The following ARHGAP24 variants were observed in gnomAD, a reference collection of about 807,000 sequenced individuals.
ARHGAP24 encodes the protein Rho GTPase activating protein 24.
A neutral mutation model predicts 76.4 loss-of-function variants in ARHGAP24; 50 were observed. The ratio of observed to expected loss-of-function variants is 0.65; its 90% confidence interval spans 0.52 to 0.83. The LOEUF (loss-of-function observed/expected upper bound fraction) is 0.83, where lower values mean the gene tolerates loss of function less well. ARHGAP24 is among the 40% of genes least tolerant of loss of function. The pLI is 0.00. For synonymous variants in ARHGAP24, 345 were observed against 323.3 expected, an observed-to-expected ratio of 1.07 and a Z score of -0.72; for missense variants, 930 against 914.2, an observed-to-expected ratio of 1.02 and a Z score of -0.22.
rs552171353 is a variant in ARHGAP24 at position 85,666,659 on chromosome 4, A to G, written c.181-55226A>G. 1.2e-4 allele frequency among the ~76,000 whole-genome samples: 18 copies of G among 152,248 alleles called. No homozygotes were observed. The East Asian group carries it at 3.3e-3, about 28-fold the overall frequency. ...TTTTGGTCTTTGATGATGGTGATGTACAGATGGGTTTTTGGTGTGGATGTC... is the reference window on the plus strand; with the variant it reads ...TTTTGGTCTTTGATGATGGTGATGTGCAGATGGGTTTTTGGTGTGGATGTC... On this transcript the variant is annotated intron_variant, in intron 2 of 9. Coordinates refer to ENST00000395184, the MANE Select transcript of ARHGAP24 (RefSeq NM_001025616.3).
chr4:85,653,164 A>G (rs1481736711), intron 2 of ARHGAP24, among the ~76,000 whole-genome samples: 1 of 152,206 alleles, frequency 6.6e-6, no homozygotes. Context: ...GATAATATAC[A>G]ATGAAAAATA....
chr4:85,753,760 A>G (rs1726360097), intron 3 of ARHGAP24, among the ~76,000 whole-genome samples: 1 of 152,144 alleles, frequency 6.6e-6, no homozygotes, highest in Admixed American at 6.5e-5. Context: ...AATGTCTTTC[A>G]TTGAATTTTT....
At chr4:85,758,275 G>A (rs934324249) in intron 3 of ARHGAP24, among the ~76,000 whole-genome samples, 1 of 152,178 alleles carries the variant, frequency 6.6e-6, no homozygotes, top group Non-Finnish European at 1.5e-5. Flanking sequence ...ACAAGAGTGA[G>A]GGTCCTCAAA....
intron 1 of ARHGAP24, among the ~76,000 whole-genome samples, chr4:85,569,166 GC>G (rs1269314594): frequency 6.6e-6 from 1 of 152,166 alleles, no homozygotes; most frequent in African/African-American, 2.4e-5. Context: ...CAGAAAGACA[GC>G]TTGTCTTCCA....
At chr4:85,970,844 C>T (rs1560754685) in intron 5 of ARHGAP24, among the ~76,000 whole-genome samples, 1 of 152,120 alleles carries the variant, frequency 6.6e-6, no homozygotes, top group Non-Finnish European at 1.5e-5. Context: ...TGCTTATTCT[C>T]CCCTGAAATA....
In ARHGAP24 at chr4:85,879,448, T is replaced by A. The variant is rs568430256; in HGVS notation, c.269-44200T>A. Among the ~76,000 whole-genome samples the A allele has an allele frequency of 2.0e-5, 3 of 152,328 alleles. 1 individual carries two copies. The South Asian group carries it at 6.2e-4, about 32-fold the overall frequency. On this transcript the variant is annotated intron_variant, in intron 3 of 9. Coordinates refer to ENST00000395184, the MANE Select transcript of ARHGAP24 (RefSeq NM_001025616.3). ...TCAAATTAGATGAATTATGCTTTTTTATCTTGTGAATCTGAATCATGCAAA... is the reference window on the plus strand; with the variant it reads ...TCAAATTAGATGAATTATGCTTTTTAATCTTGTGAATCTGAATCATGCAAA...
intron 3 of ARHGAP24, among the ~76,000 whole-genome samples, chr4:85,797,278 T>G (rs1464535683): frequency 6.6e-6 from 1 of 152,066 alleles, no homozygotes; most frequent in Non-Finnish European, 1.5e-5. Flanking sequence ...GTTCACGCCA[T>G]TCTCCTGCCT....
At chr4:85,997,766 C>T (rs1460529192) in intron 9 of ARHGAP24, among the ~76,000 whole-genome samples, 1 of 152,066 alleles carries the variant, frequency 6.6e-6, no homozygotes. Context: ...AGCGATTCTC[C>T]TGCCTCAGCC....
At chr4:85,736,296 T>C (rs1725604362) in intron 3 of ARHGAP24, among the ~76,000 whole-genome samples, 1 of 152,214 alleles carries the variant, frequency 6.6e-6, no homozygotes, top group Non-Finnish European at 1.5e-5. Context: ...TAGAACTTTG[T>C]TTTGCTCATC....
intron 1 of ARHGAP24, among the ~76,000 whole-genome samples, chr4:85,492,785 C>T (rs1723410674): frequency 6.6e-6 from 1 of 152,076 alleles, no homozygotes; most frequent in Non-Finnish European, 1.5e-5. Flanking sequence ...TAAATGTTAG[C>T]ATTTTAGAGT....
intron 2 of ARHGAP24, among the ~76,000 whole-genome samples, chr4:85,700,220 C>T (rs1272074026): frequency 1.3e-5 from 2 of 151,850 alleles, no homozygotes; most frequent in African/African-American, 4.8e-5. Flanking sequence ...CATGGTGAAA[C>T]CCCATCTCTA....
chr4:85,834,332 A>G (rs1278708826), intron 3 of ARHGAP24, among the ~76,000 whole-genome samples: 1 of 152,212 alleles, frequency 6.6e-6, no homozygotes, highest in Non-Finnish European at 1.5e-5. Context: ...AAATAAATGA[A>G]TGAATAAAAG....
At chr4:85,726,234 G>T (rs1174719539) in intron 3 of ARHGAP24, among the ~76,000 whole-genome samples, 5 of 151,978 alleles carry the variant, frequency 3.3e-5, no homozygotes, top group African/African-American at 9.7e-5. Flanking sequence ...GCCTCTTTTG[G>T]GGGGTGGGGG....
At chr4:85,860,117 G>A (rs1731804170) in intron 3 of ARHGAP24, among the ~76,000 whole-genome samples, 1 of 152,084 alleles carries the variant, frequency 6.6e-6, no homozygotes, top group Admixed American at 6.6e-5. Context: ...TTTTAAACAT[G>A]TGCTTGCCAC....
intron 6 of ARHGAP24, among the ~76,000 whole-genome samples, chr4:85,973,833 GTTTTTTTT>G (rs1199796194): frequency 6.1e-4 from 26 of 42,824 alleles, no homozygotes; most frequent in African/African-American, 2.7e-3. Flanking sequence ...GCTGCCTATT[GTTTTTTTT>G]TTTTTTTTTT....
intron 2 of ARHGAP24, among the ~76,000 whole-genome samples, chr4:85,611,245 A>G (rs1314247323): frequency 6.6e-6 from 1 of 152,224 alleles, no homozygotes; most frequent in Non-Finnish European, 1.5e-5. Flanking sequence ...AATATTTTAT[A>G]TTATAAAAAA....
rs1730891919 is a variant in ARHGAP24, at chr4:85,846,477, A to G, written c.269-77171A>G. Reference sequence around the variant, plus strand: ...GCTATTGCAGTAAAATAAGTCAAACAGTACAGCATAAATAACCCACTATCA... The same window carrying G: ...GCTATTGCAGTAAAATAAGTCAAACGGTACAGCATAAATAACCCACTATCA... On this transcript the variant is annotated intron_variant, in intron 3 of 9. Transcript: ENST00000395184. Among the ~76,000 whole-genome samples, 3 of 152,258 alleles carry G rather than the reference A, an allele frequency of 2.0e-5. No individual in the cohort carries two copies. In the South Asian group the frequency reaches 6.2e-4, roughly 31 times the overall value.
intron 3 of ARHGAP24, among the ~76,000 whole-genome samples, chr4:85,724,495 A>ATG (rs1359849529): frequency 1.3e-3 from 3 of 2,360 alleles, no homozygotes; most frequent in African/African-American, 1.7e-3. Flanking sequence ...ATGTGTGTAT[A>ATG]TATATATATA....
At chr4:85,550,140 A>C (rs1403580197) in intron 1 of ARHGAP24, among the ~76,000 whole-genome samples, 1 of 152,208 alleles carries the variant, frequency 6.6e-6, no homozygotes, top group African/African-American at 2.4e-5. Flanking sequence ...TGCTGTATTG[A>C]GTAGTAATTC....
Sources: allele counts gnomAD v4.1 joint callset (sites outside exome capture counted in the v4.1 genomes callset), GRCh38; gene constraint gnomAD v4.1.1; transcripts MANE v1.5; gene names NCBI Gene and HGNC (gene_info 2026-07-23, HGNC 2026-07-21).